Variants in VPS13B observed in about 807,000 individuals in gnomAD.
VPS13B encodes the protein vacuolar protein sorting 13 homolog B.
Under a neutral mutation model 426.4 loss-of-function variants are expected in VPS13B, and 285 were observed. The observed-to-expected ratio is 0.67, with a 90% CI of 0.61 to 0.74. The LOEUF is 0.74. VPS13B is among the 30% of genes least tolerant of loss of function. The pLI, the probability that VPS13B is intolerant of heterozygous loss-of-function variation, is 0.00. For synonymous variants in VPS13B, 1,676 were observed against 1,676.4 expected, an observed-to-expected ratio of 1.00 and a Z score of 0.01; for missense variants, 4,537 against 4,782.6, an observed-to-expected ratio of 0.95 and a Z score of 1.51.
chr8:99,239,793 T>C (rs1049952946), intron 17 of VPS13B, among the ~76,000 whole-genome samples: 3 of 152,164 alleles, frequency 2.0e-5, no homozygotes, highest in Non-Finnish European at 4.4e-5. Flanking sequence ...AATCCAAGCA[T>C]TTTCTGTTTA....
At chr8:99,778,558 A>G (rs1266119018) in intron 41 of VPS13B, 124 bp from the exon 42 acceptor site, 1 of 866,364 alleles carries the variant, frequency 1.2e-6, no homozygotes, top group Non-Finnish European at 1.9e-6. Flanking sequence ...ATTTGAATTT[A>G]TTAAACACCA....
Position 99,717,318 on chromosome 8 carries a change from G to A in VPS13B, c.6602G>A (p.Gly2201Asp), listed in dbSNP as rs149727474. Residue 2201 changes from glycine (G) to aspartate (D), a missense_variant, in exon 37 of 62, where the codon GGC becomes GAC. This residue lies in a region of VPS13B where 4,311 missense variants were observed against 4,474.3 expected (regional missense o/e 0.96). Coordinates refer to ENST00000357162, the MANE Select transcript of VPS13B (RefSeq NM_152564.5). ...AKWCKHSGNP[G>D]PEQSIPKISI... ...TGGTGTAAACACAGCGGGAATCCAG[G>A]CCCAGAACAATCCATACCAAAAATA... The A allele has an allele frequency of 6.2e-7, 1 of 1,613,974 alleles. No individual in the cohort carries two copies. Among genetic ancestry groups the A allele is most frequent in the Non-Finnish European group, 8.5e-7 (1 of 1,179,958 alleles).
At chr8:99,776,419 C>T (rs1448494599) in intron 40 of VPS13B, among the ~76,000 whole-genome samples, 3 of 152,168 alleles carry the variant, frequency 2.0e-5, no homozygotes, top group African/African-American at 7.2e-5. Flanking sequence ...TCTCCCACCT[C>T]AACCACCAAG....
intron 17 of VPS13B, among the ~76,000 whole-genome samples, chr8:99,226,627 G>T (rs1816033881): frequency 6.6e-6 from 1 of 151,970 alleles, no homozygotes; most frequent in South Asian, 2.1e-4. Context: ...ATGACTCTTG[G>T]GCATTGCCTT....
chr8:99,857,123 A>G (rs6468695), intron 56 of VPS13B, among the ~76,000 whole-genome samples: 36,514 of 151,920 alleles, frequency 0.24, 5,658 homozygotes, highest in African/African-American at 0.44. Flanking sequence ...CCCTTTTCTG[A>G]CCAGCTAAGA....
At chr8:99,241,542 G>C (rs923869546) in intron 17 of VPS13B, 4 of 152,254 alleles carry the variant, frequency 2.6e-5, no homozygotes, top group Admixed American at 6.5e-5. Flanking sequence ...AAGTTGAAAG[G>C]ATGGTGCACT....
intron 55 of VPS13B, among the ~76,000 whole-genome samples, chr8:99,851,818 T>C (rs1420604533): frequency 6.6e-6 from 1 of 152,054 alleles, no homozygotes; most frequent in African/African-American, 2.4e-5. Flanking sequence ...CTAAGTGAAA[T>C]GAGGAACTCA....
rs1254481839 is a variant in VPS13B, at chr8:99,720,341, A to T, written c.6658-4A>T. The T allele has an allele frequency of 6.2e-7, 1 of 1,611,392 alleles. No individual in the cohort carries two copies. The highest frequency in any genetic ancestry group is 1.7e-5 in the Admixed American group (1 of 59,944). ...GCTACTAGAATTTTTTTATGATTTT[A>T]AAGGTCTTCTGGGGTCAAGAACATT... is the stretch of plus-strand genomic sequence containing the variant. On this transcript the variant is annotated splice_polypyrimidine_tract_variant and splice_region_variant and intron_variant, in intron 37 of 61. Transcript: ENST00000357162.
intron 19 of VPS13B, among the ~76,000 whole-genome samples, chr8:99,372,143 C>T (rs1276175119): frequency 1.5e-3 from 231 of 150,604 alleles, no homozygotes; most frequent in African/African-American, 5.1e-3. Flanking sequence ...CCCAGCTACT[C>T]GGGAGGCTGA....
At chr8:99,139,531 G>A (rs1363650256) in intron 12 of VPS13B, among the ~76,000 whole-genome samples, 9 of 149,178 alleles carry the variant, frequency 6.0e-5, no homozygotes, top group South Asian at 2.1e-4. Context: ...TCCGCCTCCC[G>A]GGTTCATGCC....
At chr8:99,289,739 G>A (rs533976922) in intron 19 of VPS13B, among the ~76,000 whole-genome samples, 106 of 152,242 alleles carry the variant, frequency 7.0e-4, no homozygotes, top group Middle Eastern at 3.4e-3. Context: ...AGGAAAGAGT[G>A]AAGGAGGAAC....
chr8:99,834,799 A>G (rs985553345), intron 52 of VPS13B, among the ~76,000 whole-genome samples: 4 of 152,316 alleles, frequency 2.6e-5, no homozygotes, highest in East Asian at 1.9e-4. Flanking sequence ...GGCTTAAGCA[A>G]TTCTCCTGCC....
At chr8:99,051,383 G>A (rs184876103) in intron 3 of VPS13B, among the ~76,000 whole-genome samples, 109,743 of 149,698 alleles carry the variant, frequency 0.73, 40,972 homozygotes, top group South Asian at 0.86. Flanking sequence ...TGTTCCATTG[G>A]TCTGTATCTC....
At chr8:99,643,728 A>T (rs553921157) in intron 34 of VPS13B, among the ~76,000 whole-genome samples, 10 of 152,196 alleles carry the variant, frequency 6.6e-5, no homozygotes, top group Non-Finnish European at 1.0e-4. Context: ...TATGCCGCAG[A>T]TGCTTGCAAA....
intron 31 of VPS13B, among the ~76,000 whole-genome samples, chr8:99,572,329 A>G (rs1825519582): frequency 1.3e-5 from 2 of 152,146 alleles, no homozygotes; most frequent in South Asian, 2.1e-4. Flanking sequence ...TTATTATTAT[A>G]CTTTAAGTTC....
intron 31 of VPS13B, among the ~76,000 whole-genome samples, chr8:99,573,842 C>T (rs1341362115): frequency 1.3e-5 from 2 of 152,082 alleles, no homozygotes; most frequent in African/African-American, 4.8e-5. Context: ...TGAAGAAAGT[C>T]ATTGGTAGCT....
intron 25 of VPS13B, among the ~76,000 whole-genome samples, chr8:99,500,351 A>G (rs950048337): frequency 2.6e-5 from 4 of 152,174 alleles, no homozygotes; most frequent in Admixed American, 2.6e-4. Context: ...TGAGAATTCT[A>G]TAAGAATGTG....
intron 20 of VPS13B, among the ~76,000 whole-genome samples, chr8:99,387,012 C>G (rs1814161237): frequency 6.6e-6 from 1 of 152,036 alleles, no homozygotes; most frequent in Non-Finnish European, 1.5e-5. Context: ...ATACCATAAC[C>G]CCACTCATTC....
At chr8:99,802,347 G>A (rs1411824180) in intron 43 of VPS13B, among the ~76,000 whole-genome samples, 1 of 152,096 alleles carries the variant, frequency 6.6e-6, no homozygotes, top group Non-Finnish European at 1.5e-5. Flanking sequence ...GGCAAGTTGG[G>A]AAAATTTGGC....
Sources: gnomAD v4.1 joint callset for allele counts (sites outside exome capture counted in the v4.1 genomes callset) on GRCh38, gnomAD v4.1.1 for gene constraint, gnomAD v4.1.1 regional missense constraint, MANE v1.5 for transcripts, NCBI Gene and HGNC (gene_info 2026-07-23, HGNC 2026-07-21) for gene names.